The following FSIP1 variants were observed in gnomAD, a reference collection of about 807,000 sequenced individuals.
FSIP1 encodes fibrous sheath-interacting protein 1.
FSIP1 carries 65 observed loss-of-function variants against 60.9 expected under a neutral mutation model. The observed-to-expected ratio is 1.07, with a 90% CI of 0.87 to 1.31. FSIP1 has a LOEUF of 1.31. Ranked by LOEUF, FSIP1 falls within the 40% of genes most tolerant of loss-of-function variation. The probability of loss-of-function intolerance (pLI) is 0.00; values close to 1 mark genes in which losing one functional copy is unlikely to be tolerated. For missense variants in FSIP1, 675 were observed against 665.5 expected (o/e 1.01, Z -0.16); for synonymous variants, 209 against 221.2 (o/e 0.94, Z 0.49).
chr15:39,653,769 G>A (rs1020555638), intron 10 of FSIP1, among the ~76,000 whole-genome samples: 1 of 152,194 alleles, frequency 6.6e-6, no homozygotes, highest in Non-Finnish European at 1.5e-5. Context: ...CACGTAAGAT[G>A]AGACTTGCTC....
chr15:39,782,574 C>T (rs1253578951), intron 1 of FSIP1, 54 bp downstream of exon 1: 1 of 152,678 alleles, frequency 6.5e-6, no homozygotes, highest in African/African-American at 2.4e-5. Flanking sequence ...CCCGCCCACT[C>T]CTCGGCGCAC....
At chr15:39,730,532 G>A (rs1023991321) in intron 8 of FSIP1, among the ~76,000 whole-genome samples, 3 of 152,182 alleles carry the variant, frequency 2.0e-5, no homozygotes, top group Non-Finnish European at 1.5e-5. Context: ...AGCCCTAGGT[G>A]ATAATCAGAG....
intron 3 of FSIP1, among the ~76,000 whole-genome samples, chr15:39,768,841 G>C (rs1897779319): frequency 6.6e-6 from 1 of 152,128 alleles, no homozygotes; most frequent in Non-Finnish European, 1.5e-5. Context: ...TAAAATCCAT[G>C]GATCTATATT....
intron 10 of FSIP1, among the ~76,000 whole-genome samples, chr15:39,651,343 T>C (rs905006356): frequency 5.3e-5 from 8 of 152,256 alleles, no homozygotes; most frequent in Non-Finnish European, 8.8e-5. Flanking sequence ...TTTTGTGACA[T>C]TGATGTGATT....
chr15:39,722,307 T>C (rs919005593), intron 9 of FSIP1, among the ~76,000 whole-genome samples: 4 of 152,086 alleles, frequency 2.6e-5, no homozygotes, highest in African/African-American at 9.6e-5. Flanking sequence ...GAGTCTACAT[T>C]ATGGTGAGTT....
In FSIP1 at chr15:39,726,441, G is replaced by A. The variant is rs1308143840; in HGVS notation, c.1050+148C>T. Reference sequence around the variant, plus strand: ...AAATTACCAAATGAAAGAAAAGTGAGTAGAAAGTGGAAGTAACCAAAGGAA... The same window carrying A: ...AAATTACCAAATGAAAGAAAAGTGAATAGAAAGTGGAAGTAACCAAAGGAA... On this transcript the variant is annotated intron_variant, in intron 9 of 11. Transcript: ENST00000350221. The A allele has an allele frequency of 4.2e-6, 3 of 706,916 alleles. No homozygotes were observed. The African/African-American group carries it at 5.4e-5, about 13-fold the overall frequency. 43.8% of individuals were successfully genotyped at this position (706,916 alleles called of 1,614,324 possible). A position where few individuals can be genotyped will look rare whatever the true frequency, so the allele number is the denominator to read the frequency against.
At chr15:39,739,149 T>A (rs1025263945) in intron 7 of FSIP1, among the ~76,000 whole-genome samples, 12 of 152,306 alleles carry the variant, frequency 7.9e-5, no homozygotes, top group Admixed American at 5.9e-4. Context: ...AGATAGGTGC[T>A]TGAAGCAGAA....
At chr15:39,762,725 G>T (rs1370781059) in intron 5 of FSIP1, among the ~76,000 whole-genome samples, 4 of 152,178 alleles carry the variant, frequency 2.6e-5, no homozygotes, top group South Asian at 2.1e-4. Flanking sequence ...ACAAGGCCTG[G>T]AAATGGCATA....
chr15:39,637,368 C>A (rs898807310), intron 10 of FSIP1, among the ~76,000 whole-genome samples: 1 of 152,110 alleles, frequency 6.6e-6, no homozygotes, highest in Non-Finnish European at 1.5e-5. Flanking sequence ...ATGGAAGGTA[C>A]TGGAAAACAA....
chr15:39,614,176 T>C (rs7167366), intron 11 of FSIP1, among the ~76,000 whole-genome samples: 58,890 of 151,600 alleles, frequency 0.39, 13,275 homozygotes, highest in African/African-American at 0.64. Flanking sequence ...ATATAGAAAA[T>C]GCTAAAGACT....
intron 10 of FSIP1, among the ~76,000 whole-genome samples, chr15:39,654,273 G>C (rs892812971): frequency 6.6e-6 from 1 of 152,160 alleles, no homozygotes; most frequent in African/African-American, 2.4e-5. Context: ...ATGCATAATT[G>C]TATGTGCCAT....
chr15:39,676,830 CT>C (rs113504163), intron 10 of FSIP1, among the ~76,000 whole-genome samples: 4,898 of 152,280 alleles, frequency 0.032, 250 homozygotes, highest in African/African-American at 0.11. Context: ...TGAGTTTTCA[CT>C]TACTATAGGT....
intron 10 of FSIP1, among the ~76,000 whole-genome samples, chr15:39,631,873 A>G (rs1891904457): frequency 6.6e-6 from 1 of 152,216 alleles, no homozygotes; most frequent in South Asian, 2.1e-4. Flanking sequence ...TACTTTATTT[A>G]AATAAATATT....
intron 10 of FSIP1, among the ~76,000 whole-genome samples, chr15:39,638,682 T>A (rs1892231430): frequency 6.6e-6 from 1 of 152,116 alleles, no homozygotes; most frequent in African/African-American, 2.4e-5. Context: ...TAACAAAATG[T>A]GCTTAGATGG....
intron 10 of FSIP1, among the ~76,000 whole-genome samples, chr15:39,684,995 T>G (rs966579804): frequency 2.0e-5 from 3 of 152,196 alleles, no homozygotes; most frequent in African/African-American, 7.2e-5. Flanking sequence ...CAGTACTGCC[T>G]CTTCTGAGGA....
At chr15:39,601,673 A>G (rs1012558843) in intron 11 of FSIP1, among the ~76,000 whole-genome samples, 15 of 152,272 alleles carry the variant, frequency 9.9e-5, no homozygotes, top group African/African-American at 3.6e-4. Flanking sequence ...TGATGAATGG[A>G]TAAGCAAAAT....
intron 10 of FSIP1, among the ~76,000 whole-genome samples, chr15:39,672,973 C>T (rs532834801): frequency 1.4e-4 from 22 of 152,226 alleles, no homozygotes; most frequent in Non-Finnish European, 2.5e-4. Flanking sequence ...CAGAACATTC[C>T]GCACAAAGTG....
At chr15:39,680,979 T>C (rs750657986) in intron 10 of FSIP1, among the ~76,000 whole-genome samples, 16 of 152,186 alleles carry the variant, frequency 1.1e-4, no homozygotes, top group Non-Finnish European at 1.9e-4. Flanking sequence ...GCTGATGCCA[T>C]GGTCAGGCTG....
intron 11 of FSIP1, among the ~76,000 whole-genome samples, chr15:39,613,111 A>G (rs1891095144): frequency 6.6e-6 from 1 of 152,144 alleles, no homozygotes; most frequent in Non-Finnish European, 1.5e-5. Context: ...CTGGACAATG[A>G]TTTTATCTTC....
Sources: gnomAD v4.1 joint callset for allele counts (sites outside exome capture counted in the v4.1 genomes callset) on GRCh38, gnomAD v4.1.1 for gene constraint, MANE v1.5 for transcripts, NCBI Gene and HGNC (gene_info 2026-07-23, HGNC 2026-07-21) for gene names.